The following USH2A variants were observed in gnomAD, a reference collection of about 807,000 sequenced individuals.
USH2A encodes Usher syndrome 2A (autosomal recessive, mild).
USH2A carries 443 observed loss-of-function variants against 538.9 expected under a neutral mutation model. The observed-to-expected ratio is 0.82, with a 90% CI of 0.76 to 0.89. The LOEUF (loss-of-function observed/expected upper bound fraction) is 0.89, where lower values mean the gene tolerates loss of function less well. Among genes scored for constraint, USH2A ranks in the 40% least tolerant of loss-of-function variants. USH2A has a pLI of 0.00. For missense variants in USH2A, 6,633 were observed against 6,324.8 expected (o/e 1.05, Z -1.65); for synonymous variants, 2,413 against 2,273.5 (o/e 1.06, Z -1.75).
At chr1:215,740,633 A>T (rs1558077168) in intron 60 of USH2A, among the ~76,000 whole-genome samples, 1 of 152,168 alleles carries the variant, frequency 6.6e-6, no homozygotes, top group Non-Finnish European at 1.5e-5. Flanking sequence ...ATAATAATTA[A>T]TGAGAAATAT....
chr1:216,005,146 T>C (rs1426930530), intron 32 of USH2A, among the ~76,000 whole-genome samples: 2 of 152,148 alleles, frequency 1.3e-5, no homozygotes, highest in African/African-American at 4.8e-5. Flanking sequence ...TATTCTGTTC[T>C]TCTAACACAA....
intron 69 of USH2A, among the ~76,000 whole-genome samples, chr1:215,635,783 C>A (rs570349321): frequency 1.3e-5 from 2 of 151,930 alleles, no homozygotes; most frequent in South Asian, 4.1e-4. Context: ...CTCAATCTCA[C>A]GACCTCATGA....
At chr1:216,214,089 T>C (rs1320553779) in intron 15 of USH2A, among the ~76,000 whole-genome samples, 4 of 152,076 alleles carry the variant, frequency 2.6e-5, no homozygotes, top group African/African-American at 7.2e-5. Context: ...CTCTTATAAG[T>C]TGCTAATGTA....
intron 4 of USH2A, among the ~76,000 whole-genome samples, chr1:216,331,826 G>A (rs973653572): frequency 6.6e-6 from 1 of 152,050 alleles, no homozygotes; most frequent in African/African-American, 2.4e-5. Flanking sequence ...AAGACATTGA[G>A]GAAACGAATA....
intron 61 of USH2A, among the ~76,000 whole-genome samples, 173 bp from the exon 62 acceptor site, chr1:215,680,549 G>T (rs1480644470): frequency 1.3e-5 from 2 of 151,580 alleles, no homozygotes; most frequent in East Asian, 3.9e-4. Flanking sequence ...TCTTATTCTT[G>T]TTGACACCGT....
intron 50 of USH2A, among the ~76,000 whole-genome samples, chr1:215,794,670 AT>A (rs1250472793): frequency 2.0e-5 from 3 of 152,196 alleles, no homozygotes; most frequent in African/African-American, 4.8e-5. Context: ...TAAGTCCACT[AT>A]GATTATCAGA....
intron 20 of USH2A, among the ~76,000 whole-genome samples, chr1:216,185,311 A>T (rs890043312): frequency 2.0e-5 from 3 of 151,910 alleles, no homozygotes; most frequent in Non-Finnish European, 2.9e-5. Context: ...TACCCATTCT[A>T]ATCATATATT....
intron 61 of USH2A, among the ~76,000 whole-genome samples, chr1:215,722,260 T>C (rs1463006297): frequency 1.3e-5 from 2 of 152,148 alleles, no homozygotes; most frequent in African/African-American, 4.8e-5. Context: ...TTCTTCACAT[T>C]AGAAAGATAG....
At chr1:216,007,281 T>C (rs921860895) in intron 32 of USH2A, among the ~76,000 whole-genome samples, 1 of 152,098 alleles carries the variant, frequency 6.6e-6, no homozygotes, top group African/African-American at 2.4e-5. Flanking sequence ...CTCAATTAAA[T>C]TATAAAATCA....
chr1:216,272,249 C>A (rs2036588278), intron 11 of USH2A, among the ~76,000 whole-genome samples: 1 of 152,096 alleles, frequency 6.6e-6, no homozygotes, highest in Non-Finnish European at 1.5e-5. Flanking sequence ...TCATTCAGGA[C>A]ATCAGATTTA....
At chr1:216,315,770 C>T (rs189798948) in intron 9 of USH2A, among the ~76,000 whole-genome samples, 205 of 152,060 alleles carry the variant, frequency 1.3e-3, no homozygotes, top group African/African-American at 4.6e-3. Flanking sequence ...GTAACAGTGG[C>T]TATTTTTTAT....
chr1:216,084,494 C>T (rs1299634797), intron 25 of USH2A, among the ~76,000 whole-genome samples: 1 of 152,060 alleles, frequency 6.6e-6, no homozygotes, highest in East Asian at 1.9e-4. Context: ...AGATATCATA[C>T]ATGGATGTAT....
intron 21 of USH2A, among the ~76,000 whole-genome samples, chr1:216,138,678 A>G (rs1427704226): frequency 6.6e-6 from 1 of 152,134 alleles, no homozygotes; most frequent in Non-Finnish European, 1.5e-5. Flanking sequence ...TAGCAATAAC[A>G]TGTAGATATT....
intron 3 of USH2A, among the ~76,000 whole-genome samples, chr1:216,373,078 A>C (rs573882198): frequency 1.1e-4 from 17 of 152,252 alleles, no homozygotes; most frequent in African/African-American, 4.1e-4. Context: ...CTCTCACTAA[A>C]ATCCAATCAC....
intron 39 of USH2A, 112 bp downstream of exon 39, chr1:215,900,643 C>T: frequency 7.1e-7 from 1 of 1,410,240 alleles, no homozygotes; most frequent in Admixed American, 1.9e-5. Context: ...TTTTTTTGTA[C>T]TTTTAAAAGG....
intron 21 of USH2A, among the ~76,000 whole-genome samples, chr1:216,105,059 A>T (rs2147475): frequency 0.3 from 45,573 of 152,086 alleles, 7,196 homozygotes; most frequent in Non-Finnish European, 0.34. Flanking sequence ...ACATGAAAAA[A>T]TGCTCTTCAT....
intron 3 of USH2A, among the ~76,000 whole-genome samples, chr1:216,383,632 T>C (rs1466098754): frequency 6.6e-6 from 1 of 152,186 alleles, no homozygotes. Context: ...TAGGATTGTA[T>C]GTCTGAAATT....
intron 13 of USH2A, among the ~76,000 whole-genome samples, chr1:216,239,509 C>A (rs1267259115): frequency 1.3e-5 from 2 of 152,258 alleles, no homozygotes; most frequent in Non-Finnish European, 2.9e-5. Context: ...GGCTTGTTGG[C>A]TGGAGAGGAA....
At chr1:216,343,487 C>G (rs560052690) in intron 4 of USH2A, among the ~76,000 whole-genome samples, 90 of 149,156 alleles carry the variant, frequency 6.0e-4, no homozygotes, top group African/African-American at 2.1e-3. Context: ...GATCATGCCA[C>G]TGCACTCCAG....
Sources: gnomAD v4.1 joint callset for allele counts (sites outside exome capture counted in the v4.1 genomes callset) on GRCh38, gnomAD v4.1.1 for gene constraint, MANE v1.5 for transcripts, NCBI Gene and HGNC (gene_info 2026-07-23, HGNC 2026-07-21) for gene names.